Variants in RHOBTB1 observed in about 807,000 individuals in gnomAD.
RHOBTB1 encodes the protein Rho related BTB domain containing 1, also known as rho-related BTB domain-containing protein 1.
Under a neutral mutation model 71.6 loss-of-function variants are expected in RHOBTB1, and 40 were observed. The ratio of observed to expected loss-of-function variants is 0.56; its 90% confidence interval spans 0.43 to 0.73. The LOEUF is 0.73. Among genes scored for constraint, RHOBTB1 ranks in the 30% least tolerant of loss-of-function variants. The pLI, the probability that RHOBTB1 is intolerant of heterozygous loss-of-function variation, is 0.00. For missense variants in RHOBTB1, 797 were observed against 894.0 expected, an observed-to-expected ratio of 0.89 and a Z score of 1.38; for synonymous variants, 319 against 334.9, an observed-to-expected ratio of 0.95 and a Z score of 0.52.
intron 2 of RHOBTB1, among the ~76,000 whole-genome samples, chr10:60,970,688 A>G (rs143184615): frequency 1.1e-3 from 169 of 152,224 alleles, no homozygotes; most frequent in African/African-American, 3.8e-3. Context: ...ACTTTTTAAC[A>G]GTTCCGTGGT....
rs562893223 is a variant in RHOBTB1 at position 60,983,521 on chromosome 10, C to T, written c.-62+2324G>A. ...TTATCCTGATTTTAGGATATCATTTCTTTCTTTCTTTTTTCCTCTTGGATA... is the reference window on the plus strand; with the variant it reads ...TTATCCTGATTTTAGGATATCATTTTTTTCTTTCTTTTTTCCTCTTGGATA... On this transcript the variant is annotated intron_variant, in intron 2 of 11. Coordinates refer to the RHOBTB1 transcript ENST00000357917. Among the ~76,000 whole-genome samples the T allele has an allele frequency of 4.1e-3, 624 of 152,106 alleles. 1 individual carries two copies. The highest frequency in any genetic ancestry group is 6.8e-3 in the Non-Finnish European group (462 of 67,966).
chr10:60,983,697 C>G (rs7917689), intron 2 of RHOBTB1, among the ~76,000 whole-genome samples: 7,111 of 152,196 alleles, frequency 0.047, 569 homozygotes, highest in African/African-American at 0.16. Flanking sequence ...CATGTAATAA[C>G]CCCCTAAAGA....
intron 2 of RHOBTB1, among the ~76,000 whole-genome samples, chr10:60,951,186 T>G (rs2085396771): frequency 6.6e-6 from 1 of 152,238 alleles, no homozygotes; most frequent in Non-Finnish European, 1.5e-5. Context: ...TAGTGTATAG[T>G]ACACTAACTT....
chr10:60,863,914 C>T, the RHOBTB1 span, among the ~76,000 whole-genome samples: 1 of 151,728 alleles, frequency 6.6e-6, no homozygotes, highest in Non-Finnish European at 1.5e-5. Context: ...ACATTGGAGA[C>T]TCCCATTGCA....
chr10:60,979,087 C>G (rs2134774109), intron 2 of RHOBTB1, among the ~76,000 whole-genome samples: 1 of 152,170 alleles, frequency 6.6e-6, no homozygotes, highest in African/African-American at 2.4e-5. Context: ...TTTTCTCGAA[C>G]CAGGTTCAAG....
chr10:60,901,327 T>C (rs2082404699), intron 4 of RHOBTB1, among the ~76,000 whole-genome samples: 1 of 152,242 alleles, frequency 6.6e-6, no homozygotes, highest in South Asian at 2.1e-4. Context: ...GTAGAATTGT[T>C]GTTAAGATTC....
chr10:60,910,110 C>A (rs531353341), intron 4 of RHOBTB1, among the ~76,000 whole-genome samples: 2 of 152,074 alleles, frequency 1.3e-5, no homozygotes, highest in Non-Finnish European at 2.9e-5. Flanking sequence ...CTACGTTCTA[C>A]ACTGAAAATG....
rs551424372 is a variant in RHOBTB1 at position 60,877,712 on chromosome 10, G to A, written c.1726+196C>T. Among the ~76,000 whole-genome samples the A allele has an allele frequency of 1.2e-3, 188 of 152,338 alleles. 1 individual carries two copies. Among genetic ancestry groups the A allele is most frequent in the African/African-American group, 4.4e-3 (183 of 41,574 alleles). On this transcript the variant is annotated intron_variant, in intron 8 of 10. Coordinates refer to ENST00000337910, the MANE Select transcript of RHOBTB1 (RefSeq NM_014836.5). ...ATCACCTAACAGGGCCCACCACAGAGTGGGTGCTTAAGAAATATATGTTGA... is the reference window on the plus strand; with the variant it reads ...ATCACCTAACAGGGCCCACCACAGAATGGGTGCTTAAGAAATATATGTTGA...
In RHOBTB1 at chr10:60,888,615, C is replaced by G; in HGVS notation, c.1053G>C (p.Lys351Asn). ...PQADQWKSSN[K>N]SLVEALGLEA... ...CCAGCCCCAGAGCCTCCACCAGGCT[C>G]TTGTTTGAAGACTTCCACTGGTCGG... Residue 351 changes from lysine (K) to asparagine (N), a missense_variant, in exon 6 of 11, where the codon AAG (lysine) becomes AAC (asparagine). Lys to Asn is a moderately conservative substitution (Grantham distance 94). Coordinates refer to ENST00000337910, the MANE Select transcript of RHOBTB1 (RefSeq NM_014836.5). 1 of 1,614,196 alleles carries G rather than the reference C, an allele frequency of 6.2e-7. No homozygotes were observed. Among genetic ancestry groups the G allele is most frequent in the Non-Finnish European group, 8.5e-7 (1 of 1,180,038 alleles).
chr10:60,945,564 G>A (rs1261714385), upstream of RHOBTB1, among the ~76,000 whole-genome samples: 1 of 152,120 alleles, frequency 6.6e-6, no homozygotes, highest in Non-Finnish European at 1.5e-5. Flanking sequence ...TTACCCTCCA[G>A]CCAAGATTCC....
Position 60,911,332 on chromosome 10 carries a change from G to T in RHOBTB1, c.192+19C>A. On this transcript the variant is annotated intron_variant, in intron 3 of 10. Transcript: ENST00000337910. ...AATGATGTGCCCTAGGGATGCTGAA[G>T]ACACTCTGTGCATCTTACCTCCTGG... 1 of 1,596,372 alleles carries T rather than the reference G, an allele frequency of 6.3e-7. No individual in the cohort carries two copies. Among genetic ancestry groups the T allele is most frequent in the Non-Finnish European group, 8.6e-7 (1 of 1,165,820 alleles).
chr10:60,919,248 T>A (rs1260557769), intron 2 of RHOBTB1, among the ~76,000 whole-genome samples: 1 of 152,226 alleles, frequency 6.6e-6, no homozygotes, highest in African/African-American at 2.4e-5. Flanking sequence ...AGCTCAGCCA[T>A]TAAAAAATAC....
intron 2 of RHOBTB1, among the ~76,000 whole-genome samples, chr10:60,916,859 T>G (rs910007334): frequency 6.6e-6 from 1 of 152,194 alleles, no homozygotes; most frequent in Non-Finnish European, 1.5e-5. Flanking sequence ...TGCAACGCAA[T>G]CACGATGGTC....
chr10:60,953,086 T>C (rs143565010), intron 2 of RHOBTB1, among the ~76,000 whole-genome samples: 1 of 152,284 alleles, frequency 6.6e-6, no homozygotes, highest in East Asian at 1.9e-4. Context: ...GTTGATGAGA[T>C]AAAATGGGAA....
At chr10:60,923,281 A>C (rs954267603) in intron 2 of RHOBTB1, among the ~76,000 whole-genome samples, 2 of 152,234 alleles carry the variant, frequency 1.3e-5, no homozygotes, top group Non-Finnish European at 2.9e-5. Context: ...ATAAAACAGC[A>C]GAAAAAAACT....
At chr10:60,889,784 CAA>C (rs1444820966) in intron 5 of RHOBTB1, among the ~76,000 whole-genome samples, 1 of 152,098 alleles carries the variant, frequency 6.6e-6, no homozygotes, top group Non-Finnish European at 1.5e-5. Flanking sequence ...ATAATAATAA[CAA>C]TGAGTAATTA....
intron 7 of RHOBTB1, among the ~76,000 whole-genome samples, chr10:60,880,222 A>T (rs961231149): frequency 1.6e-4 from 22 of 135,304 alleles, no homozygotes; most frequent in Non-Finnish European, 2.6e-4. Flanking sequence ...AGAGAGAGAG[A>T]GAGAGAGAGA....
intron 7 of RHOBTB1, among the ~76,000 whole-genome samples, chr10:60,880,982 C>T (rs1040029229): frequency 1.3e-5 from 2 of 151,998 alleles, no homozygotes; most frequent in Admixed American, 6.6e-5. Flanking sequence ...GTGCCCCACT[C>T]AAATCCCATC....
At chr10:60,896,030 T>G (rs1056226481) in intron 4 of RHOBTB1, among the ~76,000 whole-genome samples, 20 of 152,246 alleles carry the variant, frequency 1.3e-4, no homozygotes, top group African/African-American at 4.8e-4. Context: ...ATTTTCAGAA[T>G]GCCATTTATT....
Sources: allele counts gnomAD v4.1 joint callset (sites outside exome capture counted in the v4.1 genomes callset), GRCh38; gene constraint gnomAD v4.1.1; transcripts MANE v1.5; gene names NCBI Gene and HGNC (gene_info 2026-07-23, HGNC 2026-07-21).